The following FAM91A1 variants were observed in gnomAD, a reference collection of about 807,000 sequenced individuals.
FAM91A1 encodes family with sequence similarity 91 member A1.
A neutral mutation model predicts 113.5 loss-of-function variants in FAM91A1; 41 were observed. The ratio of observed to expected loss-of-function variants is 0.36; its 90% CI spans 0.28 to 0.47. The LOEUF is 0.47. FAM91A1 is among the 20% of genes least tolerant of loss of function. The pLI is 1.00. For synonymous variants in FAM91A1, 307 were observed against 347.9 expected (o/e 0.88, Z 1.31); for missense variants, 696 against 1,001.2 (o/e 0.70, Z 4.11).
chr8:123,774,777 A>G (rs569907262), intron 2 of FAM91A1, among the ~76,000 whole-genome samples: 1 of 152,230 alleles, frequency 6.6e-6, no homozygotes, highest in Non-Finnish European at 1.5e-5. Context: ...AGCAGCAAAT[A>G]ATTTTTAAAA....
chr8:123,806,215 C>T lies in FAM91A1; in HGVS notation c.2018C>T (p.Ala673Val), dbSNP rs1465512310. The T allele has an allele frequency of 3.1e-6, 5 of 1,611,444 alleles. No individual in the cohort carries two copies. Among genetic ancestry groups the T allele is most frequent in the Non-Finnish European group, 4.2e-6 (5 of 1,178,692 alleles). Residue 673 changes from alanine to valine, a missense_variant, in exon 20 of 24, where the codon GCT becomes GTT. Ala to Val is a moderately conservative substitution (Grantham distance 64). Transcript: ENST00000334705. Reference sequence around the variant, plus strand: ...CTTGCAGATAGAAAACTCAGTGATGCTTCTGATGAGAGAGGTTAGCCAATA... The same window carrying T: ...CTTGCAGATAGAAAACTCAGTGATGTTTCTGATGAGAGAGGTTAGCCAATA... ...SQLADRKLSD[A>V]SDERGEPDLA...
chr8:123,806,377 G>A, intron 20 of FAM91A1, 148 bp downstream of exon 20: 1 of 929,752 alleles, frequency 1.1e-6, no homozygotes, highest in Non-Finnish European at 1.6e-6. Flanking sequence ...AAATATTTTG[G>A]AACATCATTT....
chr8:123,777,955 A>T (rs1815027677), intron 4 of FAM91A1, 70 bp from the exon 5 acceptor site: 2 of 1,334,622 alleles, frequency 1.5e-6, no homozygotes, highest in African/African-American at 2.9e-5. Context: ...TTTTTCCTAC[A>T]ATCGCTTGTG....
rs868468309 is a variant in FAM91A1 at position 123,794,878 on chromosome 8, G to C, written c.1412-3212G>C. ...CAGCTGCAGTTGCCCATCATTTCAA[G>C]ATAGGTAAATCCAGTGTAAAAGACG... On this transcript the variant is annotated intron_variant, in intron 15 of 23. Transcript: ENST00000334705. 1.2e-4 allele frequency among the ~76,000 whole-genome samples: 19 copies of C among 152,224 alleles called. No individual in the cohort carries two copies. In the South Asian group the frequency reaches 1.5e-3, roughly 12 times the overall value.
intron 19 of FAM91A1, among the ~76,000 whole-genome samples, 187 bp from the exon 20 acceptor site, chr8:123,805,893 A>G (rs1365457568): frequency 6.6e-6 from 1 of 152,220 alleles, no homozygotes; most frequent in Non-Finnish European, 1.5e-5. Context: ...TAGGCATGTG[A>G]TTTCAAGTAC....
Position 123,805,404 on chromosome 8 carries a change from G to C in FAM91A1, c.1882+65G>C, listed in dbSNP as rs1345337851. 4.0e-6 allele frequency: 5 copies of C among 1,262,070 alleles called. No homozygotes were observed. In the African/African-American group the frequency reaches 7.6e-5, roughly 19 times the overall value. The allele number at this position is 1,262,070 out of a possible 1,614,324, so 78.2% of individuals were successfully genotyped here. A position where few individuals can be genotyped will look rare whatever the true frequency, so the allele number is the denominator to read the frequency against. On this transcript the variant is annotated intron_variant, in intron 19 of 23. Transcript: ENST00000334705. The stretch of plus-strand genomic sequence containing the variant: ...TAATTATTACTCATGTCAACAGTTT[G>C]GTGGAAAACATGGCAGGAAATGAAT...
rs1170280348 is a variant in FAM91A1, at chr8:123,798,217, T to C, written c.1539T>C (p.Pro513=). ...CTCCCCTCACCAATGAAATCCGGCC[T>C]GTCAGCAGCTGCACCCCTCAGGTAA... ...SMAPLTNEIR[P]VSSCTPQHIG... The change falls in exon 16 of 24, where the codon CCT becomes CCC. Residue 513 remains proline (P), a synonymous_variant. Coordinates refer to ENST00000334705, the MANE Select transcript of FAM91A1 (RefSeq NM_144963.4). The C allele has an allele frequency of 1.2e-6, 2 of 1,614,060 alleles. No homozygotes were observed. The highest frequency in any genetic ancestry group is 1.7e-5 in the Admixed American group (1 of 60,016).
At chr8:123,771,589 A>T (rs1814839372) in intron 1 of FAM91A1, among the ~76,000 whole-genome samples, 1 of 152,172 alleles carries the variant, frequency 6.6e-6, no homozygotes, top group Non-Finnish European at 1.5e-5. Flanking sequence ...AAAATTGTGG[A>T]TGGGGCCATT....
intron 13 of FAM91A1, 62 bp downstream of exon 13, chr8:123,787,435 T>C: frequency 7.9e-7 from 1 of 1,262,306 alleles, no homozygotes; most frequent in Non-Finnish European, 1.1e-6. Context: ...ATAAAATAAT[T>C]TAATGCTTTT....
intron 14 of FAM91A1, chr8:123,788,220 A>G (rs1038857829): frequency 2.0e-6 from 2 of 985,250 alleles, no homozygotes; most frequent in South Asian, 4.7e-5. Context: ...GACTTCAGCC[A>G]TATTTGCTCT....
At chr8:123,810,684 G>T (rs1331923907) in intron 23 of FAM91A1, 4 of 328,658 alleles carry the variant, frequency 1.2e-5, no homozygotes, top group African/African-American at 4.4e-5. Flanking sequence ...TCCACTGCTG[G>T]GATGGGCTGT....
Position 123,787,736 on chromosome 8 carries a change from A to G in FAM91A1, c.1264A>G (p.Ile422Val). 1 of 1,612,238 alleles carries G rather than the reference A, an allele frequency of 6.2e-7. No homozygotes were observed. Among genetic ancestry groups the G allele is most frequent in the Non-Finnish European group, 8.5e-7 (1 of 1,179,142 alleles). Reference protein sequence around the residue: ...LSDESLDSFLIELEKVQSTGE... With the variant: ...LSDESLDSFLVELEKVQSTGE... Reference sequence around the variant, plus strand: ...AGATGAGTCTCTGGACAGCTTTCTTATAGAACTAGAAAAGGTAAATGTAGA... The same window carrying G: ...AGATGAGTCTCTGGACAGCTTTCTTGTAGAACTAGAAAAGGTAAATGTAGA... Residue 422 changes from isoleucine (I) to valine (V), a missense_variant, in exon 14 of 24, where the codon ATA (isoleucine) becomes GTA (valine). Transcript: ENST00000334705.
rs1007721947 is a variant in FAM91A1, at chr8:123,812,440, GTCTC to G, written c.2332-75_2332-72del. 1.1e-5 allele frequency: 14 copies of G among 1,257,582 alleles called. No individual in the cohort carries two copies. The Admixed American group carries it at 3.2e-4, about 29-fold the overall frequency. The allele number at this position is 1,257,582 out of a possible 1,614,324, so 77.9% of individuals were successfully genotyped here. On this transcript the variant is annotated intron_variant, in intron 23 of 23. Coordinates refer to ENST00000334705, the MANE Select transcript of FAM91A1 (RefSeq NM_144963.4). ...CATAAACACTTCTCAGGTAATCAAG[GTCTC>G]TCTTTCTCATTAGTTATATTAAGTG...
intron 6 of FAM91A1, among the ~76,000 whole-genome samples, chr8:123,779,180 C>T (rs966446661): frequency 1.3e-5 from 2 of 152,128 alleles, no homozygotes; most frequent in Non-Finnish European, 1.5e-5. Context: ...ATTATTTGTA[C>T]CCCCATTTCA....
chr8:123,812,886 C>G lies in FAM91A1; in HGVS notation c.*182C>G. ...TTGCTCATTATTGCACATCTTATTG[C>G]GACAAAGTGCTTTTTAGCAGCCAGC... On this transcript the variant is annotated 3_prime_UTR_variant, in exon 24 of 24. Transcript: ENST00000334705. 2.0e-6 allele frequency: 1 copy of G among 510,870 alleles called. No homozygotes were observed. Among genetic ancestry groups the G allele is most frequent in the South Asian group, 4.7e-5 (1 of 21,074 alleles). The allele number at this position is 510,870 out of a possible 1,614,324, so 31.6% of individuals were successfully genotyped here.
intron 18 of FAM91A1, among the ~76,000 whole-genome samples, chr8:123,802,018 C>T (rs1478649705): frequency 6.6e-6 from 1 of 152,072 alleles, no homozygotes; most frequent in Non-Finnish European, 1.5e-5. Context: ...TAGGCTGGCC[C>T]TGCAGTGCCG....
Position 123,808,396 on chromosome 8 carries a change from T to C in FAM91A1, c.2137+20T>C. 1 of 1,594,878 alleles carries C rather than the reference T, an allele frequency of 6.3e-7. No individual in the cohort carries two copies. ...CCTCTGGTATGGTGCTAAAACTTTT[T>C]CCAATTTTATTAGACTAATTTCTGA... is the stretch of plus-strand genomic sequence containing the variant. On this transcript the variant is annotated intron_variant, in intron 21 of 23. Coordinates refer to ENST00000334705, the MANE Select transcript of FAM91A1 (RefSeq NM_144963.4).
chr8:123,777,496 T>A (rs1815015131), intron 4 of FAM91A1, among the ~76,000 whole-genome samples, 174 bp downstream of exon 4: 1 of 152,210 alleles, frequency 6.6e-6, no homozygotes, highest in African/African-American at 2.4e-5. Flanking sequence ...TGTGTAAGAT[T>A]TACTCTAAAT....
rs1346700068 is a variant in FAM91A1, at chr8:123,786,617, A to T, written c.1078+7A>T. On this transcript the variant is annotated splice_region_variant and intron_variant, in intron 12 of 23. Transcript: ENST00000334705. ...AATAGTCAAGAAGATCCAGGTTAGC[A>T]GTAACTCAGTTTAACATAGAGTCTG... is the stretch of plus-strand genomic sequence containing the variant. The T allele has an allele frequency of 3.7e-6, 6 of 1,606,854 alleles. No homozygotes were observed. Among genetic ancestry groups the T allele is most frequent in the Non-Finnish European group, 5.1e-6 (6 of 1,173,358 alleles).
Sources: allele counts gnomAD v4.1 joint callset (sites outside exome capture counted in the v4.1 genomes callset), GRCh38; gene constraint gnomAD v4.1.1; transcripts MANE v1.5; gene names NCBI Gene and HGNC (gene_info 2026-07-23, HGNC 2026-07-21).